The following PCSK5 variants were observed in gnomAD, a reference collection of about 807,000 sequenced individuals.
PCSK5 encodes proprotein convertase subtilisin/kexin type 5.
In PCSK5, 129 loss-of-function variants were observed where a neutral mutation model predicts 233.2. That is an observed-to-expected ratio of 0.55 (90% CI 0.48 to 0.64). PCSK5 has a LOEUF of 0.64. Ranked by LOEUF, PCSK5 falls within the 30% of genes least tolerant of loss-of-function variation. The probability of loss-of-function intolerance (pLI) is 0.00; values close to 1 mark genes in which losing one functional copy is unlikely to be tolerated. For synonymous variants in PCSK5, 825 were observed against 879.2 expected (o/e 0.94, Z 1.09); for missense variants, 2,076 against 2,430.1 (o/e 0.85, Z 3.06).
intron 24 of PCSK5, among the ~76,000 whole-genome samples, chr9:76,256,436 A>G (rs1826983973): frequency 6.6e-6 from 1 of 152,334 alleles, no homozygotes; most frequent in South Asian, 2.1e-4. Context: ...GTCGAGCCGG[A>G]CACACAGGGT....
intron 2 of PCSK5, among the ~76,000 whole-genome samples, chr9:75,979,471 C>T (rs932492296): frequency 1.1e-4 from 17 of 152,254 alleles, no homozygotes; most frequent in African/African-American, 3.9e-4. Flanking sequence ...GATTATATTC[C>T]AGGTAATCAG....
At chr9:76,168,259 C>T (rs1234096278) in intron 12 of PCSK5, among the ~76,000 whole-genome samples, 1 of 152,186 alleles carries the variant, frequency 6.6e-6, no homozygotes, top group Non-Finnish European at 1.5e-5. Context: ...TCAAGGGATT[C>T]TCCTGCCTCA....
rs200809779 is a variant in PCSK5, at chr9:76,328,184, C to T, written c.4515C>T (p.Cys1505=). The T allele has an allele frequency of 4.0e-5, 64 of 1,612,770 alleles. No individual in the cohort carries two copies. The highest frequency in any genetic ancestry group is 5.3e-5 in the Non-Finnish European group (62 of 1,179,880). ...CCTGCCATGTTAAGTGCTTCCACTGCATGGGGCCGGCGGAGGACCAGTGTC... is the reference window on the plus strand; with the variant it reads ...CCTGCCATGTTAAGTGCTTCCACTGTATGGGGCCGGCGGAGGACCAGTGTC... ...CKPCHVKCFH[C]MGPAEDQCQT... The change falls in exon 33 of 38, where the codon TGC becomes TGT. Residue 1505 remains cysteine, a synonymous_variant. Transcript: ENST00000674117.
intron 24 of PCSK5, among the ~76,000 whole-genome samples, chr9:76,255,584 G>A (rs192501705): frequency 1.9e-4 from 29 of 152,300 alleles, no homozygotes; most frequent in Non-Finnish European, 1.5e-5. Context: ...ACTTTGGGCA[G>A]TTAAGGTGGC....
intron 35 of PCSK5, among the ~76,000 whole-genome samples, chr9:76,341,053 GAA>G (rs11446664): frequency 1.5e-5 from 2 of 134,692 alleles, no homozygotes; most frequent in African/African-American, 5.6e-5. Context: ...TGTTTCTACA[GAA>G]AAAAAAAAAA....
intron 26 of PCSK5, among the ~76,000 whole-genome samples, chr9:76,296,159 C>A (rs1442007838): frequency 6.6e-6 from 1 of 152,184 alleles, no homozygotes; most frequent in African/African-American, 2.4e-5. Context: ...CAGCTCACTG[C>A]AACCTCTGTT....
In PCSK5 at chr9:76,239,207, G is replaced by A. The variant is rs1378608088; in HGVS notation, c.3073+42G>A. ...GCCCTTGCCCAGCACCCGAACATGG[G>A]AGGAGGGGCTGCACCCTGGATGTCC... On this transcript the variant is annotated intron_variant, in intron 23 of 37. Transcript: ENST00000674117. 5 of 1,482,672 alleles carry A rather than the reference G, an allele frequency of 3.4e-6. No homozygotes were observed. The African/African-American group carries it at 7.0e-5, about 21-fold the overall frequency. 91.8% of individuals were successfully genotyped at this position (1,482,672 alleles called of 1,614,324 possible).
intron 7 of PCSK5, among the ~76,000 whole-genome samples, chr9:76,080,030 T>C (rs1156552498): frequency 6.6e-6 from 1 of 152,240 alleles, no homozygotes; most frequent in Non-Finnish European, 1.5e-5. Context: ...TTAGCTTTGA[T>C]GTGCTGCTGG....
At chr9:76,321,322 A>G in intron 30 of PCSK5, 100 bp from the exon 31 acceptor site, 1 of 678,320 alleles carries the variant, frequency 1.5e-6, no homozygotes, top group Non-Finnish European at 2.7e-6. Context: ...TGACGACAGC[A>G]GCAGCCCTTT....
chr9:76,331,945 G>C (rs576384988), intron 33 of PCSK5, among the ~76,000 whole-genome samples: 2 of 152,242 alleles, frequency 1.3e-5, no homozygotes, highest in Non-Finnish European at 2.9e-5. Flanking sequence ...AAGGCCCCAA[G>C]TTGGGGATAC....
intron 1 of PCSK5, among the ~76,000 whole-genome samples, chr9:75,916,690 T>A (rs1340487716): frequency 1.3e-5 from 2 of 151,464 alleles, no homozygotes; most frequent in Non-Finnish European, 2.9e-5. Context: ...GCGTAGTGAG[T>A]GAGGGTTAGG....
intron 3 of PCSK5, among the ~76,000 whole-genome samples, chr9:76,010,891 G>A (rs1372588710): frequency 6.6e-6 from 1 of 152,164 alleles, no homozygotes; most frequent in Non-Finnish European, 1.5e-5. Context: ...AAAAAATGTG[G>A]TTTAGGTTAC....
chr9:76,257,926 A>G (rs1437200804), intron 24 of PCSK5, among the ~76,000 whole-genome samples: 1 of 152,186 alleles, frequency 6.6e-6, no homozygotes. Context: ...TATGTTTTCC[A>G]TAAAGACAGT....
At chr9:76,127,796 T>G (rs1170758886) in intron 9 of PCSK5, among the ~76,000 whole-genome samples, 3 of 152,184 alleles carry the variant, frequency 2.0e-5, no homozygotes, top group Non-Finnish European at 4.4e-5. Context: ...GCCAAGCTCT[T>G]TATTTCCATT....
chr9:76,234,772 C>G (rs1162159553), intron 22 of PCSK5, among the ~76,000 whole-genome samples: 1 of 152,156 alleles, frequency 6.6e-6, no homozygotes, highest in Non-Finnish European at 1.5e-5. Context: ...ATGGTGAGCA[C>G]TTGGAATATT....
intron 7 of PCSK5, 31 bp from the exon 8 acceptor site, chr9:76,095,859 C>T: frequency 6.3e-7 from 1 of 1,596,228 alleles, no homozygotes; most frequent in South Asian, 1.1e-5. Flanking sequence ...TCATTTCACA[C>T]CATCATTTAG....
intron 24 of PCSK5, among the ~76,000 whole-genome samples, chr9:76,249,425 A>T (rs1826728325): frequency 2.6e-5 from 4 of 152,352 alleles, no homozygotes; most frequent in African/African-American, 7.2e-5. Flanking sequence ...TTAGGGAATT[A>T]AAAAAATAAA....
chr9:76,069,664 A>G (rs1210579812), intron 6 of PCSK5, among the ~76,000 whole-genome samples: 1 of 152,114 alleles, frequency 6.6e-6, no homozygotes, highest in East Asian at 1.9e-4. Context: ...TCTAAGTATG[A>G]TTTACAAGCA....
intron 20 of PCSK5, among the ~76,000 whole-genome samples, chr9:76,198,202 T>C (rs1824773106): frequency 6.6e-6 from 1 of 152,204 alleles, no homozygotes; most frequent in Non-Finnish European, 1.5e-5. Context: ...CAAAGGACTT[T>C]CTTACAAGGT....
Sources: gnomAD v4.1 joint callset for allele counts (sites outside exome capture counted in the v4.1 genomes callset) on GRCh38, gnomAD v4.1.1 for gene constraint, MANE v1.5 for transcripts, NCBI Gene and HGNC (gene_info 2026-07-23, HGNC 2026-07-21) for gene names.